The following KCTD16 variants were observed in gnomAD, a reference collection of about 807,000 sequenced individuals.
KCTD16 encodes the protein potassium channel tetramerization domain containing 16.
A neutral mutation model predicts 33.2 loss-of-function variants in KCTD16; 13 were observed. The observed-to-expected ratio is 0.39, with a 90% CI of 0.25 to 0.62. The LOEUF (loss-of-function observed/expected upper bound fraction) is 0.62. Ranked by LOEUF, KCTD16 falls within the 20% of genes least tolerant of loss-of-function variation. The pLI is 0.50. For synonymous variants in KCTD16, 197 were observed against 195.3 expected (o/e 1.01, Z -0.07); for missense variants, 441 against 525.1 (o/e 0.84, Z 1.57).
intron 2 of KCTD16, among the ~76,000 whole-genome samples, chr5:144,191,511 C>T (rs139727672): frequency 8.8e-4 from 134 of 152,296 alleles, no homozygotes; most frequent in African/African-American, 3.2e-3. Flanking sequence ...CCTTTAGCTT[C>T]TGTTTTCTAG....
intron 3 of KCTD16, among the ~76,000 whole-genome samples, chr5:144,469,729 C>T (rs868359529): frequency 7.2e-5 from 11 of 151,902 alleles, no homozygotes; most frequent in Admixed American, 6.6e-4. Flanking sequence ...CTGACTCTGG[C>T]GCCTGAGACC....
chr5:144,457,340 G>A (rs980437288), intron 3 of KCTD16, among the ~76,000 whole-genome samples: 6 of 152,198 alleles, frequency 3.9e-5, no homozygotes, highest in Non-Finnish European at 2.9e-5. Context: ...TGTGCCCCAC[G>A]TGAATGGGAG....
intron 2 of KCTD16, among the ~76,000 whole-genome samples, chr5:144,182,470 G>A (rs1230532638): frequency 6.6e-6 from 1 of 152,202 alleles, no homozygotes; most frequent in Non-Finnish European, 1.5e-5. Flanking sequence ...GTTACCATAG[G>A]CCAGGGGAAG....
chr5:144,359,458 A>G (rs2126914613), intron 3 of KCTD16, among the ~76,000 whole-genome samples: 1 of 152,082 alleles, frequency 6.6e-6, no homozygotes, highest in Admixed American at 6.6e-5. Flanking sequence ...GGATTTTTAC[A>G]TTGCACTGCC....
intron 3 of KCTD16, among the ~76,000 whole-genome samples, chr5:144,374,521 A>T (rs923884350): frequency 6.6e-5 from 10 of 152,200 alleles, no homozygotes; most frequent in Non-Finnish European, 1.2e-4. Context: ...GGGAGGTAGC[A>T]GGTGAAAGAA....
chr5:144,291,351 T>C (rs1755891449), intron 3 of KCTD16, among the ~76,000 whole-genome samples: 1 of 152,232 alleles, frequency 6.6e-6, no homozygotes. Context: ...TTCAGCTTAT[T>C]TGTTCCCTGT....
chr5:144,337,593 G>A lies in KCTD16; in HGVS notation c.832+130047G>A, dbSNP rs1055677696. On this transcript the variant is annotated intron_variant, in intron 3 of 3. Coordinates refer to ENST00000512467, the MANE Select transcript of KCTD16 (RefSeq NM_020768.4). ...TAGTCTTATATATTTGGTGTCTATG[G>A]GTTTTTCTCATAACTTTAATGAATT... Among the ~76,000 whole-genome samples the A allele has an allele frequency of 9.9e-5, 15 of 151,994 alleles. No homozygotes were observed. The East Asian group carries it at 2.7e-3, about 27-fold the overall frequency.
intron 2 of KCTD16, among the ~76,000 whole-genome samples, chr5:144,185,229 T>G (rs1752701637): frequency 6.6e-6 from 1 of 152,160 alleles, no homozygotes. Flanking sequence ...AACCACAACA[T>G]TATTTTGCCT....
At chr5:144,453,250 C>A (rs1047084735) in intron 3 of KCTD16, among the ~76,000 whole-genome samples, 1 of 152,214 alleles carries the variant, frequency 6.6e-6, no homozygotes, top group Middle Eastern at 3.4e-3. Context: ...GCCTCTGACA[C>A]GTCAGAGTCC....
At chr5:144,172,647 C>T (rs1752416787) in intron 1 of KCTD16, among the ~76,000 whole-genome samples, 1 of 152,138 alleles carries the variant, frequency 6.6e-6, no homozygotes, top group South Asian at 2.1e-4. Context: ...TTATGATTTG[C>T]TGGAGACAAT....
At chr5:144,244,024 T>G (rs987820879) in intron 3 of KCTD16, among the ~76,000 whole-genome samples, 1 of 152,174 alleles carries the variant, frequency 6.6e-6, no homozygotes, top group Admixed American at 6.5e-5. Flanking sequence ...ATTACAGGCA[T>G]GAGCCACCGC....
At chr5:144,266,746 A>C (rs964857039) in intron 3 of KCTD16, among the ~76,000 whole-genome samples, 43 of 152,234 alleles carry the variant, frequency 2.8e-4, no homozygotes, top group Middle Eastern at 6.8e-3. Flanking sequence ...CAATGTGCAC[A>C]AAGTATATGA....
At chr5:144,234,038 T>G (rs1271692668) in intron 3 of KCTD16, among the ~76,000 whole-genome samples, 1 of 152,180 alleles carries the variant, frequency 6.6e-6, no homozygotes, top group East Asian at 1.9e-4. Flanking sequence ...CAGGAAGAGA[T>G]GATCCATTGT....
At chr5:144,471,077 G>A (rs753928212) in intron 3 of KCTD16, among the ~76,000 whole-genome samples, 3 of 152,164 alleles carry the variant, frequency 2.0e-5, no homozygotes, top group Non-Finnish European at 2.9e-5. Flanking sequence ...CTACTCAAGA[G>A]GCTGAGGCAG....
intron 3 of KCTD16, among the ~76,000 whole-genome samples, chr5:144,342,807 G>A (rs1260591952): frequency 1.3e-5 from 2 of 152,080 alleles, no homozygotes; most frequent in African/African-American, 2.4e-5. Flanking sequence ...GAATTTTGTC[G>A]AAGGTCTTTT....
At chr5:144,240,693 G>C (rs1359472858) in intron 3 of KCTD16, among the ~76,000 whole-genome samples, 1 of 151,986 alleles carries the variant, frequency 6.6e-6, no homozygotes, top group Non-Finnish European at 1.5e-5. Flanking sequence ...ATCTGTGAAA[G>C]TCCCCCAGTA....
intron 3 of KCTD16, among the ~76,000 whole-genome samples, chr5:144,376,088 G>C (rs1009293674): frequency 6.6e-6 from 1 of 152,074 alleles, no homozygotes; most frequent in Non-Finnish European, 1.5e-5. Context: ...ACCTCCCAAA[G>C]TGCAAACTTT....
intron 3 of KCTD16, among the ~76,000 whole-genome samples, chr5:144,408,588 G>A (rs1409394115): frequency 6.6e-6 from 1 of 152,124 alleles, no homozygotes; most frequent in Non-Finnish European, 1.5e-5. Context: ...TGATGACTGG[G>A]TTAAACAGAC....
intron 3 of KCTD16, among the ~76,000 whole-genome samples, chr5:144,322,716 A>G (rs1752105600): frequency 6.6e-6 from 1 of 150,804 alleles, no homozygotes; most frequent in Non-Finnish European, 1.5e-5. Context: ...ACAAAAGGAC[A>G]TAAACTTTAT....
Sources: gnomAD v4.1 joint callset for allele counts (sites outside exome capture counted in the v4.1 genomes callset) on GRCh38, gnomAD v4.1.1 for gene constraint, MANE v1.5 for transcripts, NCBI Gene and HGNC (gene_info 2026-07-23, HGNC 2026-07-21) for gene names.